The following GCNT2 variants were observed in gnomAD, a reference collection of about 807,000 sequenced individuals.
GCNT2 encodes glucosaminyl (N-acetyl) transferase 2 (I blood group), also known as N-acetyllactosaminide beta-1,6-N-acetylglucosaminyl-transferase.
A neutral mutation model predicts 34.2 loss-of-function variants in GCNT2; 34 were observed. The observed-to-expected ratio is 1.00, with a 90% confidence interval of 0.76 to 1.32. The LOEUF is 1.32. Among genes scored for constraint, GCNT2 ranks in the 40% most tolerant of loss-of-function variants. The pLI is 0.00. For synonymous variants in GCNT2, 212 were observed against 188.0 expected (o/e 1.13, Z -1.04); for missense variants, 584 against 489.4 (o/e 1.19, Z -1.82).
chr6:10,612,379 T>C (rs1368291209), intron 3 of GCNT2, among the ~76,000 whole-genome samples: 1 of 152,140 alleles, frequency 6.6e-6, no homozygotes, highest in Non-Finnish European at 1.5e-5. Flanking sequence ...GAGATTTTGG[T>C]CTGTCACATC....
chr6:10,553,296 T>C (rs1762557898), intron 3 of GCNT2, among the ~76,000 whole-genome samples: 1 of 152,220 alleles, frequency 6.6e-6, no homozygotes, highest in South Asian at 2.1e-4. Context: ...GGCAAGGAGA[T>C]GAAGTCCCAG....
intron 3 of GCNT2, among the ~76,000 whole-genome samples, chr6:10,552,405 C>T (rs1762524631): frequency 6.6e-6 from 1 of 151,956 alleles, no homozygotes; most frequent in Non-Finnish European, 1.5e-5. Flanking sequence ...CCAACCTCAG[C>T]ACTCTGTTTC....
At chr6:10,582,559 CAT>C (rs1369837485) in intron 3 of GCNT2, among the ~76,000 whole-genome samples, 10 of 127,874 alleles carry the variant, frequency 7.8e-5, no homozygotes, top group African/African-American at 1.2e-4. Context: ...TAATATATAT[CAT>C]ATATATTTAA....
chr6:10,538,113 AATT>A (rs1263566101), intron 3 of GCNT2, among the ~76,000 whole-genome samples: 7 of 152,104 alleles, frequency 4.6e-5, no homozygotes, highest in Middle Eastern at 3.4e-3. Flanking sequence ...AGGTAAAAAA[AATT>A]ATAAGTTGAG....
chr6:10,603,665 G>A (rs1581472038), intron 3 of GCNT2, among the ~76,000 whole-genome samples: 2 of 149,134 alleles, frequency 1.3e-5, no homozygotes, highest in East Asian at 4.1e-4. Context: ...GCAGGCGCCT[G>A]CCACCACACC....
rs1035191199 is a variant in GCNT2 at position 10,587,055 on chromosome 6, G to T, written c.926-34296G>T. On this transcript the variant is annotated intron_variant, in intron 3 of 4. Coordinates refer to ENST00000495262, the MANE Select transcript of GCNT2 (RefSeq NM_145649.5). ...TAGTTTGGTTGCTTGTAGCAACAGTGTATTGCTGACTGTTGTCTTATCAAT... is the reference window on the plus strand; with the variant it reads ...TAGTTTGGTTGCTTGTAGCAACAGTTTATTGCTGACTGTTGTCTTATCAAT... 1.0e-5 allele frequency: 7 copies of T among 688,468 alleles called. No individual in the cohort carries two copies. The African/African-American group carries it at 1.2e-4, about 12-fold the overall frequency. The allele number at this position is 688,468 out of a possible 1,614,324, so 42.6% of individuals were successfully genotyped here.
At chr6:10,557,101 G>A in intron 3 of GCNT2, 3 of 1,571,602 alleles carry the variant, frequency 1.9e-6, no homozygotes, top group Non-Finnish European at 2.6e-6. Context: ...CAATTGGACG[G>A]ACTAAATATG....
At chr6:10,555,564 G>T (rs528743219) in intron 3 of GCNT2, among the ~76,000 whole-genome samples, 1 of 152,140 alleles carries the variant, frequency 6.6e-6, no homozygotes, top group Non-Finnish European at 1.5e-5. Context: ...TAACTCAGTG[G>T]ATGTAGCTCA....
At chr6:10,535,915 G>A (rs144243676) in intron 3 of GCNT2, among the ~76,000 whole-genome samples, 233 of 151,990 alleles carry the variant, frequency 1.5e-3, no homozygotes, top group African/African-American at 5.3e-3. Context: ...AGCCCTATTG[G>A]ATATTCCATG....
intron 3 of GCNT2, among the ~76,000 whole-genome samples, chr6:10,597,199 A>C (rs1410372518): frequency 7.8e-6 from 1 of 127,726 alleles, no homozygotes; most frequent in Non-Finnish European, 1.6e-5. Context: ...TCTATCACCC[A>C]GGCTGGAGTG....
intron 4 of GCNT2, among the ~76,000 whole-genome samples, chr6:10,625,321 C>CT (rs1471128514): frequency 6.6e-6 from 1 of 152,160 alleles, no homozygotes; most frequent in East Asian, 1.9e-4. Flanking sequence ...CTTCAAAAAT[C>CT]TTTAAGGACT....
intron 3 of GCNT2, among the ~76,000 whole-genome samples, chr6:10,531,788 C>A (rs536642280): frequency 1.3e-5 from 2 of 151,590 alleles, no homozygotes; most frequent in South Asian, 4.2e-4. Flanking sequence ...GTAGACTCTT[C>A]AGGTCTGGCC....
chr6:10,536,718 T>C (rs1204086417), intron 3 of GCNT2, among the ~76,000 whole-genome samples: 1 of 150,622 alleles, frequency 6.6e-6, no homozygotes, highest in Non-Finnish European at 1.5e-5. Flanking sequence ...TTTTTTTTTT[T>C]TTTGAGATGG....
intron 3 of GCNT2, among the ~76,000 whole-genome samples, chr6:10,564,201 G>A (rs1277729402): frequency 6.6e-6 from 1 of 152,166 alleles, no homozygotes; most frequent in Non-Finnish European, 1.5e-5. Context: ...CATCCAGTGG[G>A]TACTTAAATC....
intron 3 of GCNT2, among the ~76,000 whole-genome samples, chr6:10,571,878 T>G (rs1763568498): frequency 6.6e-6 from 1 of 152,218 alleles, no homozygotes; most frequent in South Asian, 2.1e-4. Flanking sequence ...ATAGACTTAG[T>G]GATGATTTGC....
intron 3 of GCNT2, among the ~76,000 whole-genome samples, chr6:10,609,173 A>G (rs1765447478): frequency 6.6e-6 from 1 of 152,192 alleles, no homozygotes; most frequent in Non-Finnish European, 1.5e-5. Context: ...GTGTAACAGA[A>G]TCCCTGAGAC....
Position 10,626,856 on chromosome 6 carries a change from T to C in GCNT2, c.*249T>C. On this transcript the variant is annotated 3_prime_UTR_variant, in exon 5 of 5. Transcript: ENST00000495262. ...TGCTGTTTCTTGATGCTCACCTCTA[T>C]ATTAGTTTATTGTTAGGATCAATGA... The C allele has an allele frequency of 2.0e-6, 1 of 501,964 alleles. No individual in the cohort carries two copies. 31.1% of individuals were successfully genotyped at this position (501,964 alleles called of 1,614,324 possible).
intron 3 of GCNT2, among the ~76,000 whole-genome samples, chr6:10,554,539 G>T (rs1581397433): frequency 6.6e-6 from 1 of 152,234 alleles, no homozygotes; most frequent in African/African-American, 2.4e-5. Flanking sequence ...TGCACCGAAT[G>T]CTTTGTCAAA....
In GCNT2 at chr6:10,569,851, C is replaced by T. The variant is rs145601166; in HGVS notation, c.925+40015C>T. Among the ~76,000 whole-genome samples the T allele has an allele frequency of 5.3e-4, 69 of 129,714 alleles. No homozygotes were observed. The East Asian group carries it at 0.011, about 21-fold the overall frequency. The allele number at this position is 129,714 out of a possible 152,430, so 85.1% of individuals were successfully genotyped here. On this transcript the variant is annotated intron_variant, in intron 3 of 4. Coordinates refer to ENST00000495262, the MANE Select transcript of GCNT2 (RefSeq NM_145649.5). ...TTCCTTCCTTCCTTCCTTCCTTTCT[C>T]TTTCTTTCTCTTTCTTTCTTTCTTT...
Sources: allele counts gnomAD v4.1 joint callset (sites outside exome capture counted in the v4.1 genomes callset), GRCh38; gene constraint gnomAD v4.1.1; transcripts MANE v1.5; gene names NCBI Gene and HGNC (gene_info 2026-07-23, HGNC 2026-07-21).